MMD2: variants seen among roughly 807,000 people sequenced by gnomAD.
The protein encoded by MMD2 is monocyte to macrophage differentiation associated 2.
In MMD2, 30 loss-of-function variants were observed where a neutral mutation model predicts 33.5. The observed-to-expected ratio is 0.90, with a 90% CI of 0.67 to 1.22. The LOEUF (loss-of-function observed/expected upper bound fraction) is 1.22, where lower values mean the gene tolerates loss of function less well. Ranked by LOEUF, MMD2 falls within the 50% of genes most tolerant of loss-of-function variation. The pLI is 0.00. For missense variants in MMD2, 364 were observed against 325.4 expected, an observed-to-expected ratio of 1.12 and a Z score of -0.91; for synonymous variants, 129 against 123.0, an observed-to-expected ratio of 1.05 and a Z score of -0.32.
At chr7:4,930,740 T>A (rs1785560703) in intron 1 of MMD2, among the ~76,000 whole-genome samples, 1 of 152,044 alleles carries the variant, frequency 6.6e-6, no homozygotes, top group Non-Finnish European at 1.5e-5. Context: ...GCAGAGATTG[T>A]GGCAATGCGA....
chr7:4,903,372 G>T (rs1043964344), downstream of MMD2, among the ~76,000 whole-genome samples: 1 of 152,046 alleles, frequency 6.6e-6, no homozygotes, highest in Non-Finnish European at 1.5e-5. Context: ...TAGATCTCCA[G>T]TTCTGGGTCC....
Position 4,940,151 on chromosome 7 carries a change from T to G in MMD2, c.48-14619A>C, listed in dbSNP as rs1228610313. 1.3e-5 allele frequency among the ~76,000 whole-genome samples: 2 copies of G among 152,144 alleles called. No individual in the cohort carries two copies. The highest frequency in any genetic ancestry group is 2.9e-5 in the Non-Finnish European group (2 of 68,022). ...GTAGTGAGGACTGACTAATGGGGTG[T>G]GAAGGGGTTCCTGAGGCCTGGCATG... On this transcript the variant is annotated intron_variant, in intron 1 of 6. Transcript: ENST00000401401. The surrounding 1 kb of genome is among the most constrained non-coding windows in gnomAD (Gnocchi z 5.0).
intron 1 of MMD2, among the ~76,000 whole-genome samples, chr7:4,948,997 CA>C (rs1243174821): frequency 6.6e-6 from 1 of 151,936 alleles, no homozygotes; most frequent in Non-Finnish European, 1.5e-5. Flanking sequence ...TTCTTTTGTA[CA>C]AAAGATGGTT....
At chr7:4,950,079 TTGTGTGTG>T (rs60203634) in intron 1 of MMD2, among the ~76,000 whole-genome samples, 54 of 150,076 alleles carry the variant, frequency 3.6e-4, no homozygotes, top group African/African-American at 6.6e-4. Context: ...TCACCTTCTT[TTGTGTGTG>T]TGTGTGTGTG....
At chr7:4,956,919 A>G (rs1786396491) in intron 1 of MMD2, among the ~76,000 whole-genome samples, 1 of 152,060 alleles carries the variant, frequency 6.6e-6, no homozygotes, top group African/African-American at 2.4e-5. Flanking sequence ...CCAAGTGCCC[A>G]CTTTGGGAGG....
chr7:4,917,829 G>A (rs755396638), intron 3 of MMD2, among the ~76,000 whole-genome samples: 6 of 152,126 alleles, frequency 3.9e-5, no homozygotes, highest in Admixed American at 6.6e-5. Context: ...CCACAATGGT[G>A]CCAATGAGTC....
intron 2 of MMD2, among the ~76,000 whole-genome samples, chr7:4,922,219 C>G (rs938599677): frequency 1.3e-5 from 2 of 151,706 alleles, no homozygotes; most frequent in Non-Finnish European, 2.9e-5. Flanking sequence ...GAGAGAGATT[C>G]CATCTCAGAA....
intron 6 of MMD2, among the ~76,000 whole-genome samples, chr7:4,908,804 C>A (rs925098782): frequency 6.7e-6 from 1 of 149,930 alleles, no homozygotes; most frequent in Admixed American, 6.7e-5. Flanking sequence ...GGCCAAGGCA[C>A]GAGAATCACT....
chr7:4,911,954 CT>C (rs1785025702), intron 4 of MMD2, among the ~76,000 whole-genome samples: 1 of 151,840 alleles, frequency 6.6e-6, no homozygotes, highest in Non-Finnish European at 1.5e-5. Flanking sequence ...GCCTCCAATC[CT>C]TTGTTAATAA....
At chr7:4,894,940 C>T in the MMD2 span, among the ~76,000 whole-genome samples, 1 of 152,112 alleles carries the variant, frequency 6.6e-6, no homozygotes, top group Non-Finnish European at 1.5e-5. The surrounding 1 kb of genome is among the most constrained non-coding windows in gnomAD (Gnocchi z 4.3). Flanking sequence ...AAAGGGGATC[C>T]TGTGGGAAGA....
At chr7:4,910,085 C>A (rs1357280619) in intron 5 of MMD2, 135 bp from the exon 6 acceptor site, 13 of 1,584,164 alleles carry the variant, frequency 8.2e-6, no homozygotes, top group South Asian at 1.2e-5. Flanking sequence ...CTCTGTCCAG[C>A]ACGCCTTGGC....
intron 1 of MMD2, among the ~76,000 whole-genome samples, chr7:4,938,007 T>TTTTC (rs1785795355): frequency 2.0e-5 from 2 of 99,518 alleles, no homozygotes; most frequent in African/African-American, 6.5e-5. Flanking sequence ...TCTTTCTTTT[T>TTTTC]TTTTTTTTTT....
chr7:4,937,976 T>TTTTTTTTTTC lies in MMD2; in HGVS notation c.48-12454_48-12445dup, dbSNP rs1156900192. Among the ~76,000 whole-genome samples, 26 of 144,808 alleles carry TTTTTTTTTTC rather than the reference T, an allele frequency of 1.8e-4. No homozygotes were observed. In the East Asian group the frequency reaches 4.1e-3, roughly 23 times the overall value. 95.0% of individuals were successfully genotyped at this position (144,808 alleles called of 152,430 possible). On this transcript the variant is annotated intron_variant, in intron 1 of 6. Coordinates refer to ENST00000401401, the MANE Select transcript of MMD2 (RefSeq NM_198403.4). ...AAGAAAACAATTTAATTTCTTTTTC[T>TTTTTTTTTTC]TTTTTTTTTCTTTTTTTCTTTCTTT...
At chr7:4,939,002 G>A (rs910516222) in intron 1 of MMD2, among the ~76,000 whole-genome samples, 11 of 151,852 alleles carry the variant, frequency 7.2e-5, no homozygotes, top group African/African-American at 2.7e-4. Context: ...GAGGTCGGGA[G>A]TTGGAGACCA....
chr7:4,926,889 C>T (rs1367384830), intron 1 of MMD2, among the ~76,000 whole-genome samples: 6 of 151,988 alleles, frequency 3.9e-5, no homozygotes, highest in East Asian at 1.9e-4. Flanking sequence ...GGACTACAGG[C>T]GCCCGCCATC....
downstream of MMD2, among the ~76,000 whole-genome samples, chr7:4,903,968 T>C (rs887930051): frequency 6.6e-6 from 1 of 152,200 alleles, no homozygotes; most frequent in Admixed American, 6.5e-5. Context: ...GTTTCGCTTT[T>C]GTTGCCCAGG....
At chr7:4,914,892 C>T (rs1785102282) in intron 4 of MMD2, among the ~76,000 whole-genome samples, 1 of 152,168 alleles carries the variant, frequency 6.6e-6, no homozygotes, top group African/African-American at 2.4e-5. Flanking sequence ...GATCATGCCA[C>T]TGCACTCCAG....
chr7:4,899,250 C>T, the MMD2 span, among the ~76,000 whole-genome samples: 3 of 152,102 alleles, frequency 2.0e-5, no homozygotes, highest in South Asian at 6.2e-4. Context: ...TGTTTATAAT[C>T]CACCCAGTCT....
At chr7:4,935,272 G>C (rs1418223709) in intron 1 of MMD2, among the ~76,000 whole-genome samples, 1 of 152,008 alleles carries the variant, frequency 6.6e-6, no homozygotes, top group Non-Finnish European at 1.5e-5. Flanking sequence ...AGGATCATAT[G>C]AGCCAGGAGG....
Sources: gnomAD v4.1 joint callset for allele counts (sites outside exome capture counted in the v4.1 genomes callset) on GRCh38, gnomAD v4.1.1 for gene constraint, Gnocchi (gnomAD v3.1) non-coding constraint, MANE v1.5 for transcripts, NCBI Gene and HGNC (gene_info 2026-07-23, HGNC 2026-07-21) for gene names.